The following MBD5 variants were observed in gnomAD, a reference collection of about 807,000 sequenced individuals.
The protein encoded by MBD5 is methyl-CpG binding domain protein 5.
In MBD5, 13 loss-of-function variants were observed where a neutral mutation model predicts 117.3. The observed-to-expected ratio is 0.11, with a 90% confidence interval of 0.07 to 0.18. MBD5 has a LOEUF of 0.18. Among genes scored for constraint, MBD5 ranks in the 10% least tolerant of loss-of-function variants. MBD5 has a pLI of 1.00. For missense variants in MBD5, 1,879 were observed against 2,093.8 expected, an observed-to-expected ratio of 0.90 and a Z score of 2.00; for synonymous variants, 727 against 766.4, an observed-to-expected ratio of 0.95 and a Z score of 0.85.
At chr2:148,170,424 A>G (rs1217626591) in intron 1 of MBD5, among the ~76,000 whole-genome samples, 1 of 152,330 alleles carries the variant, frequency 6.6e-6, no homozygotes, top group East Asian at 1.9e-4. Context: ...TATACTGAAG[A>G]AATTTGGAAT....
intron 2 of MBD5, among the ~76,000 whole-genome samples, chr2:148,216,545 G>A (rs1027282480): frequency 2.6e-5 from 4 of 152,160 alleles, no homozygotes; most frequent in African/African-American, 4.8e-5. Context: ...GGTATCTACC[G>A]TGATATGGGG....
chr2:148,170,964 T>C (rs1211744632), intron 1 of MBD5, among the ~76,000 whole-genome samples: 3 of 152,118 alleles, frequency 2.0e-5, no homozygotes, highest in Non-Finnish European at 4.4e-5. Flanking sequence ...AAAATACCAA[T>C]GACAAGTAAG....
chr2:148,111,100 A>T (rs997480422), intron 1 of MBD5, among the ~76,000 whole-genome samples: 1 of 152,336 alleles, frequency 6.6e-6, no homozygotes, highest in Non-Finnish European at 1.5e-5. Context: ...CTGAGGAGAC[A>T]TGTCCAAAGG....
intron 4 of MBD5, among the ~76,000 whole-genome samples, chr2:148,432,247 TTA>T (rs1454716156): frequency 1.3e-5 from 2 of 152,144 alleles, no homozygotes; most frequent in African/African-American, 2.4e-5. Flanking sequence ...TTTAAATTTC[TTA>T]TAGATTCTGG....
intron 4 of MBD5, among the ~76,000 whole-genome samples, chr2:148,452,575 T>A (rs1200071561): frequency 3.4e-5 from 4 of 118,162 alleles, no homozygotes; most frequent in Non-Finnish European, 7.1e-5. Context: ...TTGACAATAA[T>A]CTCATTAAAG....
At chr2:148,462,474 G>A in intron 5 of MBD5, 108 bp from the exon 6 acceptor site, 4 of 744,902 alleles carry the variant, frequency 5.4e-6, no homozygotes, top group Non-Finnish European at 9.5e-6. Context: ...CTTTTCCCTA[G>A]TGGGAAAATA....
intron 4 of MBD5, among the ~76,000 whole-genome samples, chr2:148,378,660 A>G (rs1197447017): frequency 6.6e-6 from 1 of 152,060 alleles, no homozygotes; most frequent in African/African-American, 2.4e-5. Flanking sequence ...TCTTAAATCA[A>G]TTGTAATCAA....
chr2:148,472,245 G>A (rs1215154117), intron 8 of MBD5: 1 of 151,864 alleles, frequency 6.6e-6, no homozygotes, highest in East Asian at 1.9e-4. Flanking sequence ...TACTGTTACT[G>A]CTGGGGGTGT....
intron 2 of MBD5, among the ~76,000 whole-genome samples, chr2:148,226,191 C>T (rs12691780): frequency 0.6 from 91,041 of 151,486 alleles, 27,561 homozygotes; most frequent in East Asian, 0.71. Flanking sequence ...TTCATATGTG[C>T]CATGTTGGTG....
chr2:148,463,403 GT>G (rs1427194697), intron 6 of MBD5, among the ~76,000 whole-genome samples: 1 of 152,046 alleles, frequency 6.6e-6, no homozygotes, highest in Non-Finnish European at 1.5e-5. Flanking sequence ...ATAGCTTTTT[GT>G]TTTGTCTTTT....
intron 4 of MBD5, among the ~76,000 whole-genome samples, chr2:148,398,120 G>T (rs1704793821): frequency 6.6e-6 from 1 of 152,158 alleles, no homozygotes; most frequent in South Asian, 2.1e-4. Context: ...ACATACGTGT[G>T]CATGTGTCTT....
rs1426569642 is a variant in MBD5 at position 148,458,747 on chromosome 2, C to T, written c.-12C>T. Reference sequence around the variant, plus strand: ...GCTGATATCTTTGGAGAGTCCCTAGCAGACACAGAAAATGAATGGAGGCAA... The same window carrying T: ...GCTGATATCTTTGGAGAGTCCCTAGTAGACACAGAAAATGAATGGAGGCAA... On this transcript the variant is annotated 5_prime_UTR_variant, in exon 5 of 14. Transcript: ENST00000642680. 6.2e-7 allele frequency: 1 copy of T among 1,601,988 alleles called. No homozygotes were observed. The highest frequency in any genetic ancestry group is 8.6e-7 in the Non-Finnish European group (1 of 1,169,088).
rs73007121 is a variant in MBD5, at chr2:148,040,428, C to T, written c.-925+18744C>T. 2.6e-3 allele frequency among the ~76,000 whole-genome samples: 394 copies of T among 152,110 alleles called. 1 individual carries two copies. Among genetic ancestry groups the T allele is most frequent in the African/African-American group, 8.9e-3 (369 of 41,502 alleles). ...TGTTCATTAAATCTGAGTGTGTATA[C>T]TATATGGACAGAATAGATTATCCAG... is the stretch of plus-strand genomic sequence containing the variant. On this transcript the variant is annotated intron_variant, in intron 1 of 13. Coordinates refer to ENST00000642680, the MANE Select transcript of MBD5 (RefSeq NM_001378120.1).
intron 1 of MBD5, among the ~76,000 whole-genome samples, chr2:148,106,967 TA>T (rs1308012966): frequency 6.6e-6 from 1 of 152,064 alleles, no homozygotes; most frequent in African/African-American, 2.4e-5. Context: ...CCTTTGGCAT[TA>T]CAGATCTTCT....
chr2:148,147,245 A>G (rs577867580), intron 1 of MBD5, among the ~76,000 whole-genome samples: 1 of 150,656 alleles, frequency 6.6e-6, no homozygotes, highest in Non-Finnish European at 1.5e-5. Flanking sequence ...TATTTTATTT[A>G]TTTTATTTTT....
At chr2:148,070,574 T>C (rs567813979) in intron 1 of MBD5, among the ~76,000 whole-genome samples, 2 of 152,304 alleles carry the variant, frequency 1.3e-5, no homozygotes, top group East Asian at 3.9e-4. Context: ...CTGAGGGCCA[T>C]ATCTCCAGTT....
intron 3 of MBD5, among the ~76,000 whole-genome samples, chr2:148,293,973 G>A (rs1421366834): frequency 6.6e-6 from 1 of 152,150 alleles, no homozygotes; most frequent in African/African-American, 2.4e-5. Flanking sequence ...AAGGAAAGAA[G>A]GAGACGAAAT....
At chr2:148,123,717 T>G (rs1476647815) in intron 1 of MBD5, among the ~76,000 whole-genome samples, 3 of 152,170 alleles carry the variant, frequency 2.0e-5, no homozygotes, top group Non-Finnish European at 4.4e-5. Flanking sequence ...GAGTTGACAC[T>G]ATTAAAATAG....
chr2:148,200,940 A>G (rs1031887146), intron 2 of MBD5, among the ~76,000 whole-genome samples: 1 of 152,204 alleles, frequency 6.6e-6, no homozygotes, highest in African/African-American at 2.4e-5. Context: ...AACATGATCC[A>G]TTTATTTATT....
Sources: allele counts gnomAD v4.1 joint callset (sites outside exome capture counted in the v4.1 genomes callset), GRCh38; gene constraint gnomAD v4.1.1; transcripts MANE v1.5; gene names NCBI Gene and HGNC (gene_info 2026-07-23, HGNC 2026-07-21).